The following EYS variants were observed in gnomAD, a reference collection of about 807,000 sequenced individuals.
The protein encoded by EYS is EGF-like photoreceptor maintenance factor.
Under a neutral mutation model 282.1 loss-of-function variants are expected in EYS, and 250 were observed. That is an observed-to-expected ratio of 0.89 (90% confidence interval 0.80 to 0.98). EYS has a LOEUF of 0.98. Among genes scored for constraint, EYS ranks in the 50% least tolerant of loss-of-function variants. The pLI, the probability that EYS is intolerant of heterozygous loss-of-function variation, is 0.00. For missense variants in EYS, 4,016 were observed against 3,709.0 expected, an observed-to-expected ratio of 1.08 and a Z score of -2.15; for synonymous variants, 1,355 against 1,282.9, an observed-to-expected ratio of 1.06 and a Z score of -1.20.
chr6:65,129,931 C>A (rs1581726), intron 12 of EYS, among the ~76,000 whole-genome samples: 20,783 of 151,374 alleles, frequency 0.14, 2,035 homozygotes, highest in African/African-American at 0.28. Context: ...AGTGTACTGG[C>A]AAAAGAAAAT....
chr6:65,447,244 T>G (rs1433653866), intron 5 of EYS, among the ~76,000 whole-genome samples: 1 of 150,394 alleles, frequency 6.6e-6, no homozygotes, highest in Non-Finnish European at 1.5e-5. Flanking sequence ...GTACCAATAT[T>G]GGCTTTTCTA....
rs190610817 is a variant in EYS at position 63,901,640 on chromosome 6, C to T, written c.7056-37282G>A. Among the ~76,000 whole-genome samples, 564 of 152,272 alleles carry T rather than the reference C, an allele frequency of 3.7e-3. 3 individuals are homozygous for T. Among genetic ancestry groups the T allele is most frequent in the Admixed American group, 4.4e-3 (68 of 15,292 alleles). Reference sequence around the variant, plus strand: ...AAGCAGCAAGAGAAAGCCAACTCTTCAAATATAGGGAACAAATATTACTAA... The same window carrying T: ...AAGCAGCAAGAGAAAGCCAACTCTTTAAATATAGGGAACAAATATTACTAA... On this transcript the variant is annotated intron_variant, in intron 35 of 42. Transcript: ENST00000503581.
At chr6:64,344,812 C>T (rs924894403) in intron 29 of EYS, among the ~76,000 whole-genome samples, 1 of 152,010 alleles carries the variant, frequency 6.6e-6, no homozygotes, top group African/African-American at 2.4e-5. Context: ...ATGGTCTCAG[C>T]CCAAAATCTC....
At chr6:63,792,807 C>T (rs1409921689) in intron 37 of EYS, among the ~76,000 whole-genome samples, 2 of 151,930 alleles carry the variant, frequency 1.3e-5, no homozygotes, top group East Asian at 1.9e-4. Flanking sequence ...CAAAGGGCCC[C>T]GTTGCTTGGT....
chr6:64,067,898 A>G (rs994018859), intron 32 of EYS, among the ~76,000 whole-genome samples: 1 of 152,120 alleles, frequency 6.6e-6, no homozygotes, highest in African/African-American at 2.4e-5. Context: ...TACTGTTTCT[A>G]GTGTAGATAG....
intron 2 of EYS, among the ~76,000 whole-genome samples, chr6:65,556,622 C>T (rs1299097593): frequency 1.3e-5 from 2 of 152,008 alleles, no homozygotes; most frequent in African/African-American, 4.8e-5. Context: ...GAAATCTTTA[C>T]AATACCATAT....
intron 26 of EYS, among the ~76,000 whole-genome samples, chr6:64,576,251 T>C (rs2149821036): frequency 6.6e-6 from 1 of 152,180 alleles, no homozygotes; most frequent in East Asian, 1.9e-4. Flanking sequence ...TAAGCAACAT[T>C]GTGACTTGGC....
In EYS at chr6:63,720,518, G is replaced by A. The variant is rs1768330912; in HGVS notation, c.*78C>T. 8 of 1,057,208 alleles carry A rather than the reference G, an allele frequency of 7.6e-6. No homozygotes were observed. Among genetic ancestry groups the A allele is most frequent in the South Asian group, 3.8e-5 (2 of 52,630 alleles). The allele number at this position is 1,057,208 out of a possible 1,614,324, so 65.5% of individuals were successfully genotyped here. A position where few individuals can be genotyped will look rare whatever the true frequency, so the allele number is the denominator to read the frequency against. On this transcript the variant is annotated 3_prime_UTR_variant, in exon 43 of 43. Transcript: ENST00000503581. ...TAATATAGTAAACAGTTGATTCCCC[G>A]TAAGCAATGTATCAAAGAAATAACT... is the stretch of plus-strand genomic sequence containing the variant.
intron 22 of EYS, among the ~76,000 whole-genome samples, chr6:64,631,863 T>C (rs951236772): frequency 4.6e-5 from 7 of 152,056 alleles, no homozygotes; most frequent in African/African-American, 1.7e-4. Flanking sequence ...TTGAGATGGA[T>C]AATATTTTAA....
chr6:65,108,368 GCT>G (rs1425905207), intron 12 of EYS, among the ~76,000 whole-genome samples: 1 of 152,074 alleles, frequency 6.6e-6, no homozygotes, highest in African/African-American at 2.4e-5. Context: ...CTTGATCTTG[GCT>G]CACTGAAGCC....
chr6:64,206,798 T>C (rs933603324), intron 31 of EYS, among the ~76,000 whole-genome samples: 5 of 152,286 alleles, frequency 3.3e-5, no homozygotes, highest in South Asian at 2.1e-4. Flanking sequence ...GTATTTGCTA[T>C]AGTTTGAATG....
At chr6:64,946,133 T>C (rs948862135) in intron 14 of EYS, among the ~76,000 whole-genome samples, 4 of 152,048 alleles carry the variant, frequency 2.6e-5, no homozygotes, top group Non-Finnish European at 4.4e-5. Context: ...AGTAAGTCAA[T>C]AGATTCTACA....
chr6:64,344,542 T>C (rs146193765), intron 29 of EYS, among the ~76,000 whole-genome samples: 4,735 of 150,994 alleles, frequency 0.031, 232 homozygotes, highest in African/African-American at 0.11. Flanking sequence ...ATTGATGGGA[T>C]GTATCTCAAA....
chr6:64,095,081 T>C (rs1772540603), intron 31 of EYS, among the ~76,000 whole-genome samples: 1 of 152,236 alleles, frequency 6.6e-6, no homozygotes, highest in African/African-American at 2.4e-5. Context: ...AGTTTCTTAA[T>C]CCTGAGTTCT....
chr6:63,857,078 A>T (rs1283023740), intron 36 of EYS, among the ~76,000 whole-genome samples: 1 of 152,210 alleles, frequency 6.6e-6, no homozygotes, highest in African/African-American at 2.4e-5. Flanking sequence ...GAACATTTCC[A>T]GGCTAGTATG....
intron 22 of EYS, among the ~76,000 whole-genome samples, chr6:64,787,804 G>A (rs1297232926): frequency 6.7e-6 from 1 of 150,258 alleles, no homozygotes; most frequent in Non-Finnish European, 1.5e-5. Context: ...GCTTTTCTTT[G>A]GGGGAGAATT....
intron 7 of EYS, among the ~76,000 whole-genome samples, chr6:65,388,961 T>C (rs1765900698): frequency 6.6e-6 from 1 of 152,052 alleles, no homozygotes; most frequent in Non-Finnish European, 1.5e-5. Context: ...TTGTATTGAC[T>C]CCATCTTAAA....
chr6:65,000,604 G>A lies in EYS; in HGVS notation c.2138-2901C>T, dbSNP rs903190135. ...CTGATCAACATGGTGAAACCCCATC[G>A]CTACTAAAAATATAAAAAAAAAAAT... is the stretch of plus-strand genomic sequence containing the variant. On this transcript the variant is annotated intron_variant, in intron 13 of 42. Coordinates refer to ENST00000503581, the MANE Select transcript of EYS (RefSeq NM_001142800.2). Among the ~76,000 whole-genome samples the A allele has an allele frequency of 7.3e-5, 11 of 151,618 alleles. No individual in the cohort carries two copies. The East Asian group carries it at 1.6e-3, about 22-fold the overall frequency.
intron 2 of EYS, among the ~76,000 whole-genome samples, chr6:65,588,594 G>A (rs1339072409): frequency 1.3e-5 from 2 of 151,926 alleles, no homozygotes; most frequent in Non-Finnish European, 2.9e-5. Flanking sequence ...ATTAGACACA[G>A]AATTTTACTT....
Sources: allele counts gnomAD v4.1 joint callset (sites outside exome capture counted in the v4.1 genomes callset), GRCh38; gene constraint gnomAD v4.1.1; transcripts MANE v1.5; gene names NCBI Gene and HGNC (gene_info 2026-07-23, HGNC 2026-07-21).